KLF12: variants seen among roughly 807,000 people sequenced by gnomAD.
The protein encoded by KLF12 is KLF transcription factor 12.
In KLF12, 9 loss-of-function variants were observed where a neutral mutation model predicts 37.8. That is an observed-to-expected ratio of 0.24 (90% CI 0.14 to 0.42). The LOEUF (loss-of-function observed/expected upper bound fraction) is 0.42, where lower values mean the gene tolerates loss of function less well. KLF12 is among the 10% of genes least tolerant of loss of function. The probability of loss-of-function intolerance (pLI) is 1.00; values close to 1 mark genes in which losing one functional copy is unlikely to be tolerated. For synonymous variants in KLF12, 208 were observed against 202.1 expected, an observed-to-expected ratio of 1.03 and a Z score of -0.25; for missense variants, 411 against 516.0, an observed-to-expected ratio of 0.80 and a Z score of 1.97.
chr13:74,014,946 T>A (rs1346319605), intron 1 of KLF12, among the ~76,000 whole-genome samples: 1 of 152,130 alleles, frequency 6.6e-6, no homozygotes, highest in African/African-American at 2.4e-5. Context: ...TAGCAAATGG[T>A]GAAGTCAGGA....
At chr13:74,280,111 G>A in the KLF12 span, among the ~76,000 whole-genome samples, 1 of 152,194 alleles carries the variant, frequency 6.6e-6, no homozygotes, top group African/African-American at 2.4e-5. Flanking sequence ...AGTGGTTGGT[G>A]AGCATATTAA....
chr13:73,742,648 T>G (rs946162653), intron 6 of KLF12, among the ~76,000 whole-genome samples: 2 of 152,164 alleles, frequency 1.3e-5, no homozygotes, highest in Non-Finnish European at 2.9e-5. Context: ...TTAATTCTTC[T>G]AACATCTAAG....
the KLF12 span, among the ~76,000 whole-genome samples, chr13:74,228,705 C>T: frequency 2.6e-5 from 4 of 151,724 alleles, no homozygotes; most frequent in East Asian, 1.9e-4. Flanking sequence ...TAAATGGAAA[C>T]GATGGGACAG....
chr13:74,003,321 G>C (rs770101840), intron 1 of KLF12, among the ~76,000 whole-genome samples: 4 of 152,106 alleles, frequency 2.6e-5, no homozygotes, highest in Non-Finnish European at 4.4e-5. Context: ...CTGAATTTGA[G>C]AATAATCATA....
intron 1 of KLF12, among the ~76,000 whole-genome samples, chr13:74,057,518 G>A (rs1873314692): frequency 6.6e-6 from 1 of 152,148 alleles, no homozygotes; most frequent in Non-Finnish European, 1.5e-5. Context: ...GCTAGTATAA[G>A]ACAAAATATC....
At chr13:73,849,446 C>T (rs1029489811) in intron 3 of KLF12, among the ~76,000 whole-genome samples, 1 of 147,232 alleles carries the variant, frequency 6.8e-6, no homozygotes, top group African/African-American at 2.6e-5. Context: ...GTTGTGCTGA[C>T]AGGAAGGGAG....
At chr13:73,821,400 C>T (rs1470265288) in intron 4 of KLF12, among the ~76,000 whole-genome samples, 1 of 152,182 alleles carries the variant, frequency 6.6e-6, no homozygotes, top group Non-Finnish European at 1.5e-5. Context: ...TCATTTCAAA[C>T]ACAAGTCCTA....
the KLF12 span, among the ~76,000 whole-genome samples, chr13:74,275,858 CT>C: frequency 1.2e-3 from 138 of 113,928 alleles, 1 homozygote; most frequent in Non-Finnish European, 1.7e-3. Flanking sequence ...TTCTTTCTTT[CT>C]TTCTTTCTAT....
intron 5 of KLF12, chr13:73,801,331 G>A (rs1477818728): frequency 1.3e-5 from 2 of 152,042 alleles, no homozygotes; most frequent in Non-Finnish European, 2.9e-5. Flanking sequence ...GGAAATAGAA[G>A]AGACTGCATC....
chr13:74,118,097 T>G (rs1877416839), intron 1 of KLF12, among the ~76,000 whole-genome samples: 2 of 152,218 alleles, frequency 1.3e-5, no homozygotes, highest in African/African-American at 4.8e-5. Flanking sequence ...GTGTATGTGC[T>G]TTTTGAAGTC....
At chr13:73,840,496 A>T (rs1055710626) in intron 4 of KLF12, among the ~76,000 whole-genome samples, 6 of 152,068 alleles carry the variant, frequency 3.9e-5, no homozygotes, top group African/African-American at 1.4e-4. Flanking sequence ...CCCAAAGGGA[A>T]TTCCTCTCTC....
At chr13:74,285,086 A>T in the KLF12 span, among the ~76,000 whole-genome samples, 6 of 152,146 alleles carry the variant, frequency 3.9e-5, no homozygotes, top group African/African-American at 1.4e-4. Flanking sequence ...TGATCTTCAT[A>T]GGGCACATGG....
chr13:73,735,547 T>G (rs1006507863), intron 6 of KLF12, among the ~76,000 whole-genome samples: 1 of 151,796 alleles, frequency 6.6e-6, no homozygotes, highest in Non-Finnish European at 1.5e-5. Context: ...ACACAGGAAG[T>G]GAAGAGGGTC....
intron 1 of KLF12, among the ~76,000 whole-genome samples, chr13:74,125,168 C>T (rs60845216): frequency 0.14 from 19,943 of 138,592 alleles, 1,459 homozygotes; most frequent in Middle Eastern, 0.19. Flanking sequence ...TATATATATA[C>T]ACACACACAC....
rs1345772239 is a variant in KLF12, at chr13:73,690,514, A to G, written c.*4976T>C. 1 of 152,190 alleles carries G rather than the reference A, an allele frequency of 6.6e-6. No individual in the cohort carries two copies. Among genetic ancestry groups the G allele is most frequent in the Admixed American group, 6.5e-5 (1 of 15,280 alleles). The allele number at this position is 152,190 out of a possible 1,614,324, so 9.4% of individuals were successfully genotyped here. On this transcript the variant is annotated 3_prime_UTR_variant, in exon 8 of 8. Transcript: ENST00000377669. ...TGCAGCTGTTTTGCCCTTTTCAGGA[A>G]AAGACATTACTAGTTTGGAATCAGT...
chr13:74,135,675 G>C (rs1047033578), upstream of KLF12, among the ~76,000 whole-genome samples: 2 of 151,880 alleles, frequency 1.3e-5, no homozygotes, highest in Non-Finnish European at 1.5e-5. Context: ...GCGGCGCTCC[G>C]GGCACGACAG....
At chr13:73,945,049 TATTAAG>T (rs1890356306) in intron 2 of KLF12, among the ~76,000 whole-genome samples, 1 of 152,210 alleles carries the variant, frequency 6.6e-6, no homozygotes, top group Admixed American at 6.5e-5. Flanking sequence ...AAAGTAGTCT[TATTAAG>T]AGAAAAAAAA....
chr13:73,705,472 C>T (rs994452990), intron 7 of KLF12, among the ~76,000 whole-genome samples: 8 of 152,102 alleles, frequency 5.3e-5, no homozygotes, highest in Admixed American at 6.6e-5. Context: ...TGGGTTTTGC[C>T]ATGTTGGCCA....
chr13:74,056,892 C>A (rs1593863205), intron 1 of KLF12, among the ~76,000 whole-genome samples: 1 of 152,106 alleles, frequency 6.6e-6, no homozygotes, highest in African/African-American at 2.4e-5. Flanking sequence ...CCTTGTGGGG[C>A]CTGGTAAAGG....
Sources: gnomAD v4.1 joint callset for allele counts (sites outside exome capture counted in the v4.1 genomes callset) on GRCh38, gnomAD v4.1.1 for gene constraint, MANE v1.5 for transcripts, NCBI Gene and HGNC (gene_info 2026-07-23, HGNC 2026-07-21) for gene names.